Variants in FMN2 observed in about 807,000 individuals in gnomAD.
FMN2 encodes the protein formin 2, also known as formin-2.
Under a neutral mutation model 142.3 loss-of-function variants are expected in FMN2, and 51 were observed. That is an observed-to-expected ratio of 0.36 (90% CI 0.29 to 0.45). FMN2 has a LOEUF of 0.45. FMN2 is among the 20% of genes least tolerant of loss of function. FMN2 has a pLI of 1.00. For synonymous variants in FMN2, 882 were observed against 869.8 expected (o/e 1.01, Z -0.25); for missense variants, 1,936 against 2,122.8 (o/e 0.91, Z 1.73).
intron 7 of FMN2, among the ~76,000 whole-genome samples, chr1:240,293,387 T>C (rs866677321): frequency 5.9e-5 from 9 of 152,264 alleles, no homozygotes; most frequent in South Asian, 2.1e-4. Flanking sequence ...GCTGATGAAT[T>C]CCAAAATCAG....
chr1:240,108,572 T>C (rs532147103), intron 1 of FMN2, among the ~76,000 whole-genome samples: 1 of 152,320 alleles, frequency 6.6e-6, no homozygotes, highest in African/African-American at 2.4e-5. Flanking sequence ...CAGGGAAGTT[T>C]ATTAGATAGT....
At chr1:240,190,275 A>G (rs985397431) in intron 4 of FMN2, among the ~76,000 whole-genome samples, 1 of 152,244 alleles carries the variant, frequency 6.6e-6, no homozygotes, top group Non-Finnish European at 1.5e-5. Context: ...TCTGGAAGTC[A>G]GGAAAATTAA....
rs1395134601 is a variant in FMN2 at position 240,229,923 on chromosome 1, G to A, written c.4065+18688G>A. ...AGCCTCCCAAAGTGCTAGGATTACA[G>A]GTATGAGCCACCGTGCCCAGCAGAA... On this transcript the variant is annotated intron_variant, in intron 6 of 17. Transcript: ENST00000319653. Among the ~76,000 whole-genome samples, 2 of 131,722 alleles carry A rather than the reference G, an allele frequency of 1.5e-5. 1 individual carries two copies. Among genetic ancestry groups the A allele is most frequent in the African/African-American group, 6.5e-5 (2 of 30,816 alleles). The allele number at this position is 131,722 out of a possible 152,430, so 86.4% of individuals were successfully genotyped here. A position where few individuals can be genotyped will look rare whatever the true frequency, so the allele number is the denominator to read the frequency against.
rs951078121 is a variant in FMN2, at chr1:240,457,042, T to A, written c.5061-15330T>A. On this transcript the variant is annotated intron_variant, in intron 16 of 17. Coordinates refer to ENST00000319653, the MANE Select transcript of FMN2 (RefSeq NM_020066.5). Reference sequence around the variant, plus strand: ...GATTCATTTAGCTTCCCGCTCACCCTGGGCCTCATCATCTGATAGTTCAGC... The same window carrying A: ...GATTCATTTAGCTTCCCGCTCACCCAGGGCCTCATCATCTGATAGTTCAGC... Among the ~76,000 whole-genome samples the A allele has an allele frequency of 7.3e-5, 11 of 150,750 alleles. No homozygotes were observed. The Admixed American group carries it at 7.4e-4, about 10-fold the overall frequency.
chr1:240,178,722 C>G (rs1665030775), intron 3 of FMN2, among the ~76,000 whole-genome samples: 1 of 152,130 alleles, frequency 6.6e-6, no homozygotes, highest in South Asian at 2.1e-4. Flanking sequence ...GCATGAGCCA[C>G]CGCACCTGGG....
At chr1:240,239,034 G>C (rs1387744199) in intron 6 of FMN2, among the ~76,000 whole-genome samples, 1 of 152,146 alleles carries the variant, frequency 6.6e-6, no homozygotes, top group Non-Finnish European at 1.5e-5. Flanking sequence ...ACAATGATCT[G>C]AGTGATAGTT....
intron 7 of FMN2, among the ~76,000 whole-genome samples, chr1:240,271,592 A>G (rs976612067): frequency 4.0e-5 from 6 of 151,686 alleles, no homozygotes; most frequent in African/African-American, 1.5e-4. Flanking sequence ...TGCTGTTGGG[A>G]GGTTTAGTGA....
At chr1:240,408,516 A>G (rs1674288156) in intron 15 of FMN2, among the ~76,000 whole-genome samples, 1 of 152,220 alleles carries the variant, frequency 6.6e-6, no homozygotes, top group Non-Finnish European at 1.5e-5. Context: ...CTGAATATCC[A>G]AAGTATCATA....
At chr1:240,196,417 A>G (rs1003565838) in intron 4 of FMN2, among the ~76,000 whole-genome samples, 8 of 152,134 alleles carry the variant, frequency 5.3e-5, no homozygotes, top group African/African-American at 1.9e-4. Context: ...ATCAACTGGG[A>G]GCTGGTTAGA....
intron 6 of FMN2, among the ~76,000 whole-genome samples, chr1:240,232,150 A>C (rs943403538): frequency 6.6e-6 from 1 of 151,100 alleles, no homozygotes; most frequent in East Asian, 1.9e-4. Context: ...GCTCACTGCA[A>C]CCTCCGCCTC....
chr1:240,272,678 C>G (rs1020753188), intron 7 of FMN2, among the ~76,000 whole-genome samples: 1 of 152,196 alleles, frequency 6.6e-6, no homozygotes, highest in African/African-American at 2.4e-5. Flanking sequence ...GAGGTATATT[C>G]TACAAATATA....
chr1:240,214,428 G>A (rs894526919), intron 6 of FMN2, among the ~76,000 whole-genome samples: 2 of 151,710 alleles, frequency 1.3e-5, no homozygotes, highest in Non-Finnish European at 2.9e-5. Flanking sequence ...GCAGGTGCCC[G>A]TAGTCTCAGC....
chr1:240,328,972 T>C lies in FMN2; in HGVS notation c.4216-104T>C, dbSNP rs73124139. ...CTAAGAAACATGAAAATATATAGCG[T>C]TTCGCTGTATTCAGATCAGCAAATT... On this transcript the variant is annotated intron_variant, in intron 8 of 17. Coordinates refer to ENST00000319653, the MANE Select transcript of FMN2 (RefSeq NM_020066.5). 3.1e-3 allele frequency: 2,827 copies of C among 924,350 alleles called. 48 individuals are homozygous for C. In the African/African-American group the frequency reaches 0.036, roughly 12 times the overall value. The allele number at this position is 924,350 out of a possible 1,614,324, so 57.3% of individuals were successfully genotyped here.
At chr1:240,103,815 C>T (rs1001511533) in intron 1 of FMN2, among the ~76,000 whole-genome samples, 18 of 152,196 alleles carry the variant, frequency 1.2e-4, no homozygotes. Flanking sequence ...GGTCCCCTAT[C>T]ACCCTGAGGC....
chr1:240,217,338 G>A (rs1298976034), intron 6 of FMN2, among the ~76,000 whole-genome samples: 2 of 152,190 alleles, frequency 1.3e-5, no homozygotes, highest in Admixed American at 1.3e-4. Flanking sequence ...GACATGTTTT[G>A]TATTGGTGTT....
chr1:240,215,947 G>C (rs1045547960), intron 6 of FMN2, among the ~76,000 whole-genome samples: 1 of 151,918 alleles, frequency 6.6e-6, no homozygotes, highest in Non-Finnish European at 1.5e-5. Flanking sequence ...GACCTCAGGT[G>C]ATCCGTCTAC....
At chr1:240,411,290 C>T (rs1317272226) in intron 15 of FMN2, among the ~76,000 whole-genome samples, 2 of 152,214 alleles carry the variant, frequency 1.3e-5, no homozygotes, top group Non-Finnish European at 2.9e-5. Context: ...TAACTACATT[C>T]GGCCGGGCGC....
At chr1:240,440,908 A>G (rs1160137706) in intron 16 of FMN2, among the ~76,000 whole-genome samples, 1 of 152,176 alleles carries the variant, frequency 6.6e-6, no homozygotes. Flanking sequence ...CAAAGCATTA[A>G]AGCAACCACA....
chr1:240,098,767 C>G (rs953531088), intron 1 of FMN2, among the ~76,000 whole-genome samples: 19 of 152,150 alleles, frequency 1.2e-4, no homozygotes, highest in African/African-American at 4.6e-4. Context: ...GGATTGAAGT[C>G]AAGTGCACCA....
Sources: allele counts gnomAD v4.1 joint callset (sites outside exome capture counted in the v4.1 genomes callset), GRCh38; gene constraint gnomAD v4.1.1; transcripts MANE v1.5; gene names NCBI Gene and HGNC (gene_info 2026-07-23, HGNC 2026-07-21).